Variants in BMPR2 observed in about 807,000 individuals in gnomAD.
The protein encoded by BMPR2 is bone morphogenetic protein receptor type 2.
Under a neutral mutation model 100.8 loss-of-function variants are expected in BMPR2, and 29 were observed. The observed-to-expected ratio is 0.29, with a 90% CI of 0.21 to 0.39. The LOEUF (loss-of-function observed/expected upper bound fraction) is 0.39, where lower values mean the gene tolerates loss of function less well. BMPR2 is among the 10% of genes least tolerant of loss of function. BMPR2 has a pLI of 1.00. For missense variants in BMPR2, 1,011 were observed against 1,274.5 expected, an observed-to-expected ratio of 0.79 and a Z score of 3.15; for synonymous variants, 382 against 442.3, an observed-to-expected ratio of 0.86 and a Z score of 1.71.
intron 1 of BMPR2, among the ~76,000 whole-genome samples, chr2:202,441,695 GC>G (rs1365382368): frequency 7.7e-6 from 1 of 129,138 alleles, no homozygotes; most frequent in African/African-American, 3.2e-5. Flanking sequence ...TCCAGCCTGG[GC>G]GACAGAGCAA....
At position 202,555,677 on chromosome 2, in the gene BMPR2, A is replaced by G; in HGVS notation, c.2012A>G (p.Lys671Arg). ...EDLETNKLDP[K>R]EVDKNLKESS... ...TTGGAAACCAACAAGCTAGACCCAA[A>G]AGAAGTTGATAAGAACCTCAAGGAA... Residue 671 changes from lysine (K) to arginine (R), a missense_variant, in exon 12 of 13, where the codon AAA (lysine) becomes AGA (arginine). By Grantham distance (26) the Lys-to-Arg change is conservative. This residue lies in a region of BMPR2 where 508 missense variants were observed against 552.0 expected (regional missense o/e 0.92). Transcript: ENST00000374580. 6.2e-7 allele frequency: 1 copy of G among 1,614,134 alleles called. No homozygotes were observed. The highest frequency in any genetic ancestry group is 8.5e-7 in the Non-Finnish European group (1 of 1,180,032).
Position 202,439,139 on chromosome 2 carries a change from C to T in BMPR2, c.77-25670C>T, listed in dbSNP as rs1221561424. On this transcript the variant is annotated intron_variant, in intron 1 of 12. Transcript: ENST00000374580. ...TTGTTTAGATAAGATTACTTTTTTTCAGTGATGTTTTGCCATTTTCATTGT... is the reference window on the plus strand; with the variant it reads ...TTGTTTAGATAAGATTACTTTTTTTTAGTGATGTTTTGCCATTTTCATTGT... 4.0e-5 allele frequency among the ~76,000 whole-genome samples: 6 copies of T among 150,216 alleles called. No individual in the cohort carries two copies. In the East Asian group the frequency reaches 1.2e-3, roughly 29 times the overall value.
At chr2:202,423,820 C>T (rs1318709667) in intron 1 of BMPR2, among the ~76,000 whole-genome samples, 1 of 150,076 alleles carries the variant, frequency 6.7e-6, no homozygotes, top group Admixed American at 6.6e-5. Context: ...TTTCGGAGGC[C>T]GGGGTGGTTG....
intron 3 of BMPR2, chr2:202,469,641 G>GTTATATATA: frequency 5.8e-6 from 1 of 172,400 alleles, no homozygotes; most frequent in Admixed American, 6.1e-5. Flanking sequence ...ACCACACCCA[G>GTTATATATA]CTAATTGTTG....
At chr2:202,531,582 T>C (rs536967331) in intron 8 of BMPR2, among the ~76,000 whole-genome samples, 1 of 152,364 alleles carries the variant, frequency 6.6e-6, no homozygotes, top group South Asian at 2.1e-4. Flanking sequence ...TGCATTCATA[T>C]ATACTTGTCT....
At chr2:202,398,108 CAAA>C (rs56075719) in intron 1 of BMPR2, among the ~76,000 whole-genome samples, 14 of 120,298 alleles carry the variant, frequency 1.2e-4, no homozygotes, top group Non-Finnish European at 1.1e-4. Flanking sequence ...GACCCTGTCT[CAAA>C]AAAAAAAAAA....
intron 7 of BMPR2, chr2:202,520,671 C>T (rs1687804420): frequency 1.5e-5 from 3 of 195,750 alleles, no homozygotes; most frequent in Non-Finnish European, 3.2e-5. Flanking sequence ...GGCTAGGCTG[C>T]CCTAGATCAC....
intron 10 of BMPR2, among the ~76,000 whole-genome samples, chr2:202,547,539 T>C (rs1688396434): frequency 6.6e-6 from 1 of 151,970 alleles, no homozygotes; most frequent in Non-Finnish European, 1.5e-5. Flanking sequence ...TCCCAGCACT[T>C]TGGGAGGCTG....
chr2:202,417,787 C>T (rs565354898), intron 1 of BMPR2, among the ~76,000 whole-genome samples: 20 of 151,326 alleles, frequency 1.3e-4, no homozygotes, highest in Admixed American at 4.0e-4. Context: ...GCTGCCATCT[C>T]GGCTCACTGC....
intron 1 of BMPR2, among the ~76,000 whole-genome samples, chr2:202,385,554 C>T (rs180766435): frequency 3.1e-4 from 47 of 149,802 alleles, no homozygotes; most frequent in African/African-American, 1.1e-3. Context: ...TTAGTAGACA[C>T]GGAGTTTCAC....
At position 202,564,735 on chromosome 2, in the gene BMPR2, C is replaced by CGAA. The variant is rs1688729290; in HGVS notation, c.*4789_*4790insGAA. On this transcript the variant is annotated 3_prime_UTR_variant, in exon 13 of 13. Coordinates refer to ENST00000374580, the MANE Select transcript of BMPR2 (RefSeq NM_001204.7). ...TCACAGGGCATTTAAGTGCACCTTCCCATTACTTTCCTTAAATCACCTCAT... is the reference window on the plus strand; with the variant it reads ...TCACAGGGCATTTAAGTGCACCTTCCGAACATTACTTTCCTTAAATCACCTCAT... 1 of 152,100 alleles carries CGAA rather than the reference C, an allele frequency of 6.6e-6. No homozygotes were observed. The highest frequency in any genetic ancestry group is 2.1e-4 in the South Asian group (1 of 4,812). 9.4% of individuals were successfully genotyped at this position (152,100 alleles called of 1,614,324 possible).
intron 7 of BMPR2, among the ~76,000 whole-genome samples, chr2:202,529,505 AAG>A (rs1687978876): frequency 6.6e-6 from 1 of 152,222 alleles, no homozygotes; most frequent in Admixed American, 6.5e-5. Flanking sequence ...ATATTAGCTC[AAG>A]ATTGTACGAC....
In BMPR2 at chr2:202,438,984, G is replaced by T. The variant is rs1252862643; in HGVS notation, c.77-25825G>T. Among the ~76,000 whole-genome samples the T allele has an allele frequency of 2.7e-5, 4 of 150,620 alleles. 1 individual carries two copies. The highest frequency in any genetic ancestry group is 5.0e-5 in the African/African-American group (2 of 39,940). On this transcript the variant is annotated intron_variant, in intron 1 of 12. Coordinates refer to ENST00000374580, the MANE Select transcript of BMPR2 (RefSeq NM_001204.7). Reference sequence around the variant, plus strand: ...GCATTTCCATATAAAGCAGCAGCTTGTCAATTTCTACTCGAAAGGCAGCTG... The same window carrying T: ...GCATTTCCATATAAAGCAGCAGCTTTTCAATTTCTACTCGAAAGGCAGCTG...
chr2:202,390,722 G>C (rs570569238), intron 1 of BMPR2, among the ~76,000 whole-genome samples: 8 of 152,110 alleles, frequency 5.3e-5, no homozygotes, highest in Admixed American at 1.3e-4. Flanking sequence ...ATATCTTGTT[G>C]GTTTAGAGTC....
At chr2:202,493,906 C>A (rs1446744899) in intron 3 of BMPR2, among the ~76,000 whole-genome samples, 2 of 151,830 alleles carry the variant, frequency 1.3e-5, no homozygotes, top group African/African-American at 2.4e-5. Flanking sequence ...TTTGCTTTTT[C>A]TTCCAAGCTA....
At chr2:202,487,734 T>C (rs982874933) in intron 3 of BMPR2, among the ~76,000 whole-genome samples, 4 of 152,210 alleles carry the variant, frequency 2.6e-5, no homozygotes, top group African/African-American at 9.6e-5. Flanking sequence ...TTAAAATGAT[T>C]GCAGAATTGT....
At position 202,503,126 on chromosome 2, in the gene BMPR2, T is replaced by C. The variant is rs1687435372; in HGVS notation, c.419-10593T>C. On this transcript the variant is annotated intron_variant, in intron 3 of 12. Transcript: ENST00000374580. This position sits in a 1 kb window ranked among gnomAD's most constrained non-coding sequence, Gnocchi z 4.0. ...AACTGCAGAGCCCCTTCTTTGCCCC[T>C]ATCCAGCAGGAAATAGCTAGAGCGG... 6.6e-6 allele frequency among the ~76,000 whole-genome samples: 1 copy of C among 152,230 alleles called. No homozygotes were observed. The highest frequency in any genetic ancestry group is 1.5e-5 in the Non-Finnish European group (1 of 68,024).
At chr2:202,386,605 G>T (rs1475425330) in intron 1 of BMPR2, among the ~76,000 whole-genome samples, 1 of 151,810 alleles carries the variant, frequency 6.6e-6, no homozygotes, top group East Asian at 1.9e-4. Flanking sequence ...TTTTTTACTA[G>T]ACTCTGTTTC....
At chr2:202,513,650 C>A in intron 3 of BMPR2, 69 bp from the exon 4 acceptor site, 2 of 1,123,220 alleles carry the variant, frequency 1.8e-6, no homozygotes, top group Non-Finnish European at 2.7e-6. Context: ...TTCTAAAGGG[C>A]AGTCTGTCAG....
Sources: gnomAD v4.1 joint callset for allele counts (sites outside exome capture counted in the v4.1 genomes callset) on GRCh38, gnomAD v4.1.1 for gene constraint, gnomAD v4.1.1 regional missense constraint, Gnocchi (gnomAD v3.1) non-coding constraint, MANE v1.5 for transcripts, NCBI Gene and HGNC (gene_info 2026-07-23, HGNC 2026-07-21) for gene names.